NDUFA10: variants seen among roughly 807,000 people sequenced by gnomAD.
NDUFA10 encodes NADH:ubiquinone oxidoreductase subunit A10.
A neutral mutation model predicts 47.8 loss-of-function variants in NDUFA10; 40 were observed. The observed-to-expected ratio is 0.84, with a 90% CI of 0.65 to 1.09. The LOEUF (loss-of-function observed/expected upper bound fraction) is 1.09, where lower values mean the gene tolerates loss of function less well. Ranked by LOEUF, NDUFA10 falls within the 50% of genes least tolerant of loss-of-function variation. NDUFA10 has a pLI of 0.00. For missense variants in NDUFA10, 413 were observed against 451.1 expected, an observed-to-expected ratio of 0.92 and a Z score of 0.76; for synonymous variants, 183 against 172.2, an observed-to-expected ratio of 1.06 and a Z score of -0.49.
At chr2:239,988,759 T>C (rs889257568) in intron 9 of NDUFA10, among the ~76,000 whole-genome samples, 1 of 152,182 alleles carries the variant, frequency 6.6e-6, no homozygotes, top group South Asian at 2.1e-4. Flanking sequence ...AGCTACAGCG[T>C]TGATGCCAGG....
rs1194248913 is a variant in NDUFA10 at position 239,898,963 on chromosome 2, G to GA, written c.295-3650_295-3649insT. ...CGGAGGGGTGTGGAGGGGTGTGGCAGGGTGTGATGAAGAGGTATGATGGAG... is the reference window on the plus strand; with the variant it reads ...CGGAGGGGTGTGGAGGGGTGTGGCAGAGGTGTGATGAAGAGGTATGATGGAG... On this transcript the variant is annotated intron_variant, in intron 4 of 5. Transcript: ENST00000419408. Among the ~76,000 whole-genome samples, 11 of 111,312 alleles carry GA rather than the reference G, an allele frequency of 9.9e-5. No homozygotes were observed. The East Asian group carries it at 2.6e-3, about 26-fold the overall frequency. 73.0% of individuals were successfully genotyped at this position (111,312 alleles called of 152,430 possible).
chr2:239,893,830 C>G (rs111385007), intron 5 of NDUFA10, among the ~76,000 whole-genome samples: 1 of 152,218 alleles, frequency 6.6e-6, no homozygotes, highest in African/African-American at 2.4e-5. Flanking sequence ...CTGAGCTCCA[C>G]CATCCCAGCC....
At chr2:239,939,854 T>C (rs1422573428) in intron 4 of NDUFA10, among the ~76,000 whole-genome samples, 1 of 152,190 alleles carries the variant, frequency 6.6e-6, no homozygotes, top group Non-Finnish European at 1.5e-5. Flanking sequence ...GAGGGCCACA[T>C]GGCCCCTCCT....
chr2:240,003,948 T>C (rs1328510563), intron 8 of NDUFA10, among the ~76,000 whole-genome samples: 1 of 152,098 alleles, frequency 6.6e-6, no homozygotes, highest in Non-Finnish European at 1.5e-5. Flanking sequence ...AGGGTAAAGG[T>C]CTGGGCCAAG....
intron 4 of NDUFA10, among the ~76,000 whole-genome samples, chr2:239,910,921 G>A (rs1258870536): frequency 1.3e-4 from 20 of 152,288 alleles, no homozygotes; most frequent in Admixed American, 9.8e-4. Context: ...GGCAGAGGCC[G>A]CTCCGTCCTG....
chr2:239,956,226 G>A (rs116711953), downstream of NDUFA10, among the ~76,000 whole-genome samples: 11,740 of 152,168 alleles, frequency 0.077, 533 homozygotes, highest in Admixed American at 0.14. Context: ...AGGTGGGGCC[G>A]GTCATCCCCA....
chr2:239,911,514 G>A (rs116741656), intron 4 of NDUFA10, among the ~76,000 whole-genome samples: 2,408 of 152,238 alleles, frequency 0.016, 63 homozygotes, highest in African/African-American at 0.055. Flanking sequence ...ACCCGGAAAA[G>A]GGCCACACCC....
At position 239,934,196 on chromosome 2, in the gene NDUFA10, T is replaced by C. The variant is rs79105749; in HGVS notation, c.295-38882A>G. On this transcript the variant is annotated intron_variant, in intron 4 of 5. Transcript: ENST00000419408. The stretch of plus-strand genomic sequence containing the variant: ...GCCTGGCCAGATTTAAGTAAACTAA[T>C]AGGCACCATCTCCTGCCCTGGATCC... Among the ~76,000 whole-genome samples, 555 of 152,286 alleles carry C rather than the reference T, an allele frequency of 3.6e-3. 5 individuals carry two copies. The highest frequency in any genetic ancestry group is 0.013 in the African/African-American group (520 of 41,566).
downstream of NDUFA10, among the ~76,000 whole-genome samples, chr2:239,956,755 G>A (rs961025823): frequency 2.0e-5 from 3 of 152,212 alleles, no homozygotes; most frequent in African/African-American, 7.2e-5. Context: ...CTGGTGGGAG[G>A]AGTGGCGTCA....
chr2:239,971,530 T>C (rs1419450558), intron 9 of NDUFA10, among the ~76,000 whole-genome samples: 1 of 152,252 alleles, frequency 6.6e-6, no homozygotes, highest in Non-Finnish European at 1.5e-5. Flanking sequence ...ATTGATACAC[T>C]TACTGATATT....
chr2:239,993,366 C>T (rs1049670729), intron 8 of NDUFA10, among the ~76,000 whole-genome samples: 2 of 152,120 alleles, frequency 1.3e-5, no homozygotes, highest in African/African-American at 4.8e-5. Context: ...TAAGTAACAG[C>T]CTACAAGAGT....
At chr2:239,897,825 G>A (rs1046643407) in intron 4 of NDUFA10, among the ~76,000 whole-genome samples, 54 of 152,312 alleles carry the variant, frequency 3.5e-4, no homozygotes, top group African/African-American at 1.2e-3. Context: ...GCCAGTAGTG[G>A]GAGTGAGCCA....
chr2:239,981,928 G>C (rs73007461), intron 9 of NDUFA10, among the ~76,000 whole-genome samples: 3,133 of 151,652 alleles, frequency 0.021, 45 homozygotes, highest in Middle Eastern at 0.044. Context: ...CCCAGAAAGC[G>C]AGAAATTGCC....
chr2:239,965,073 G>A (rs1307707949), intron 9 of NDUFA10, among the ~76,000 whole-genome samples: 2 of 152,162 alleles, frequency 1.3e-5, no homozygotes, highest in African/African-American at 2.4e-5. Flanking sequence ...GAAGGGCTGG[G>A]TTTGGGACAG....
chr2:239,915,265 T>TGC (rs1553555094), intron 4 of NDUFA10, among the ~76,000 whole-genome samples: 20 of 145,712 alleles, frequency 1.4e-4, no homozygotes, highest in Non-Finnish European at 7.6e-5. Context: ...CACACACACA[T>TGC]ACAGACACAC....
intron 4 of NDUFA10, among the ~76,000 whole-genome samples, chr2:239,924,400 A>T (rs1352186738): frequency 6.6e-6 from 1 of 152,136 alleles, no homozygotes; most frequent in Non-Finnish European, 1.5e-5. Flanking sequence ...ATTGAAAATA[A>T]TATAATACAC....
At chr2:240,008,895 G>A (rs1302415553) in intron 6 of NDUFA10, among the ~76,000 whole-genome samples, 2 of 152,148 alleles carry the variant, frequency 1.3e-5, no homozygotes, top group African/African-American at 4.8e-5. Context: ...CTCGGCAACA[G>A]ACAAATAAAA....
At chr2:240,018,087 A>T (rs533879674) in intron 4 of NDUFA10, among the ~76,000 whole-genome samples, 1 of 152,322 alleles carries the variant, frequency 6.6e-6, no homozygotes, top group South Asian at 2.1e-4. Flanking sequence ...ATACAGCAAC[A>T]CAAAGCTACT....
intron 9 of NDUFA10, among the ~76,000 whole-genome samples, chr2:239,972,516 G>T (rs555219317): frequency 3.9e-5 from 6 of 152,174 alleles, no homozygotes; most frequent in African/African-American, 1.2e-4. Context: ...TTTTAAAGAA[G>T]AGCACTATAG....
Sources: gnomAD v4.1 joint callset for allele counts (sites outside exome capture counted in the v4.1 genomes callset) on GRCh38, gnomAD v4.1.1 for gene constraint, MANE v1.5 for transcripts, NCBI Gene and HGNC (gene_info 2026-07-23, HGNC 2026-07-21) for gene names.